Variants in COG7 observed in about 807,000 individuals in gnomAD.
The protein encoded by COG7 is component of oligomeric golgi complex 7.
A neutral mutation model predicts 91.5 loss-of-function variants in COG7; 49 were observed. The ratio of observed to expected loss-of-function variants is 0.54; its 90% confidence interval spans 0.43 to 0.68. The LOEUF is 0.68. COG7 is among the 30% of genes least tolerant of loss of function. The pLI is 0.00. For missense variants in COG7, 895 were observed against 961.3 expected, an observed-to-expected ratio of 0.93 and a Z score of 0.91; for synonymous variants, 365 against 388.7, an observed-to-expected ratio of 0.94 and a Z score of 0.72.
At chr16:23,389,658 G>A (rs567333629) in intron 16 of COG7, among the ~76,000 whole-genome samples, 77 of 152,308 alleles carry the variant, frequency 5.1e-4, no homozygotes, top group Admixed American at 1.4e-3. Context: ...CAGTCAGAAC[G>A]CCGCAGTGAA....
At chr16:23,419,885 C>T (rs993777918) in intron 7 of COG7, among the ~76,000 whole-genome samples, 1 of 151,922 alleles carries the variant, frequency 6.6e-6, no homozygotes, top group African/African-American at 2.4e-5. Context: ...ACGTGTAATC[C>T]CAGCACTTTG....
At chr16:23,404,762 A>C (rs558121543) in intron 12 of COG7, among the ~76,000 whole-genome samples, 57 of 152,224 alleles carry the variant, frequency 3.7e-4, no homozygotes, top group Non-Finnish European at 7.5e-4. Flanking sequence ...TTTACTAAAA[A>C]TACAAAAATT....
chr16:23,437,796 A>G (rs765247368), intron 4 of COG7, among the ~76,000 whole-genome samples: 1 of 152,196 alleles, frequency 6.6e-6, no homozygotes, highest in Non-Finnish European at 1.5e-5. Flanking sequence ...AACAAAATTA[A>G]AAACTTGGGG....
chr16:23,422,618 ATGT>A (rs1391417569), intron 7 of COG7, among the ~76,000 whole-genome samples: 3 of 151,902 alleles, frequency 2.0e-5, no homozygotes, highest in African/African-American at 4.8e-5. Context: ...GAAGCAAATA[ATGT>A]TGTTGGTGGC....
At chr16:23,401,774 G>A (rs1229051450) in intron 13 of COG7, among the ~76,000 whole-genome samples, 2 of 151,688 alleles carry the variant, frequency 1.3e-5, no homozygotes, top group African/African-American at 4.8e-5. Context: ...AAAAAATCTC[G>A]ACCAGGCTTG....
chr16:23,422,224 A>T (rs1310587223), intron 7 of COG7, among the ~76,000 whole-genome samples: 1 of 152,088 alleles, frequency 6.6e-6, no homozygotes, highest in Non-Finnish European at 1.5e-5. Context: ...AGTTCAGAGA[A>T]TCACTTGAGC....
chr16:23,434,581 C>A, intron 5 of COG7, 55 bp downstream of exon 5: 1 of 1,289,146 alleles, frequency 7.8e-7, no homozygotes, highest in Non-Finnish European at 1.1e-6. Flanking sequence ...ATTCTGTGAC[C>A]CAGAGTTATG....
In COG7 at chr16:23,445,672, C is replaced by T. The variant is rs1964169552; in HGVS notation, c.318+141G>A. On this transcript the variant is annotated intron_variant, in intron 2 of 16. Transcript: ENST00000307149. ...ACACTCTGTCTCAAAAAAAAAAGAG[C>T]ATAGCTGGAGTGCTGGGCAGAATCT... 4.7e-6 allele frequency: 4 copies of T among 848,640 alleles called. No homozygotes were observed. In the Admixed American group the frequency reaches 5.7e-5, roughly 12 times the overall value. 52.6% of individuals were successfully genotyped at this position (848,640 alleles called of 1,614,324 possible). A position where few individuals can be genotyped will look rare whatever the true frequency, so the allele number is the denominator to read the frequency against.
At chr16:23,418,872 G>C in intron 7 of COG7, 45 bp from the exon 8 acceptor site, 1 of 1,584,966 alleles carries the variant, frequency 6.3e-7, no homozygotes. Flanking sequence ...CAAAGAATCT[G>C]AAATTAACTG....
chr16:23,436,118 A>C (rs1414544944), intron 4 of COG7, among the ~76,000 whole-genome samples: 1 of 152,244 alleles, frequency 6.6e-6, no homozygotes, highest in East Asian at 1.9e-4. Flanking sequence ...AAACCCCAGG[A>C]GGCTGAGCTG....
chr16:23,400,990 A>G lies in COG7; in HGVS notation c.1803+2704T>C, dbSNP rs369640836. ...GTCTCAAAAAAAAAAGGGGGGGGGG[A>G]AAACAGCAGAGAATGTCACTTGAGG... is the stretch of plus-strand genomic sequence containing the variant. On this transcript the variant is annotated intron_variant, in intron 13 of 16. Transcript: ENST00000307149. 3.5e-3 allele frequency among the ~76,000 whole-genome samples: 527 copies of G among 148,526 alleles called. 1 individual carries two copies. The highest frequency in any genetic ancestry group is 4.8e-3 in the African/African-American group (194 of 40,274).
At chr16:23,452,724 C>A in intron 1 of COG7, 102 bp downstream of exon 1, 1 of 1,507,064 alleles carries the variant, frequency 6.6e-7, no homozygotes, top group Non-Finnish European at 8.9e-7. Flanking sequence ...TATTTGCTGT[C>A]CATGCGTGCC....
At position 23,413,556 on chromosome 16, in the gene COG7, G is replaced by C; in HGVS notation, c.1301C>G (p.Ser434Cys). Reference sequence around the variant, plus strand: ...GGACTGGAGAGTGCTGGTGAAATCAGACACATACCTGCCGGGAAAGGGAAG... The same window carrying C: ...GGACTGGAGAGTGCTGGTGAAATCACACACATACCTGCCGGGAAAGGGAAG... Reference protein sequence around the residue: ...ALKSLFAKYVSDFTSTLQSIR... With the variant: ...ALKSLFAKYVCDFTSTLQSIR... The change falls in exon 10 of 17, where the codon TCT becomes TGT. Residue 434 changes from serine to cysteine, a missense_variant. Physicochemically the swap from Ser to Cys is moderately radical, Grantham distance 112. Coordinates refer to ENST00000307149, the MANE Select transcript of COG7 (RefSeq NM_153603.4). 6.3e-7 allele frequency: 1 copy of C among 1,580,056 alleles called. No homozygotes were observed. Among genetic ancestry groups the C allele is most frequent in the Non-Finnish European group, 8.7e-7 (1 of 1,149,136 alleles).
chr16:23,410,245 T>C, intron 11 of COG7, 50 bp downstream of exon 11: 1 of 1,502,604 alleles, frequency 6.7e-7, no homozygotes, highest in Non-Finnish European at 9.3e-7. Context: ...ACCAAGCTCG[T>C]GCTGATCAGG....
intron 12 of COG7, 57 bp downstream of exon 12, chr16:23,406,019 G>A (rs1377262882): frequency 2.6e-6 from 4 of 1,515,414 alleles, no homozygotes; most frequent in African/African-American, 1.4e-5. Flanking sequence ...GAGGGAGAGG[G>A]TGAGTGATGA....
At chr16:23,444,638 G>C (rs923785563) in intron 3 of COG7, among the ~76,000 whole-genome samples, 1 of 151,660 alleles carries the variant, frequency 6.6e-6, no homozygotes, top group Non-Finnish European at 1.5e-5. Context: ...TGAGTAGCTG[G>C]AACTACAAAT....
At chr16:23,412,225 T>C (rs1963575215) in intron 10 of COG7, among the ~76,000 whole-genome samples, 1 of 152,132 alleles carries the variant, frequency 6.6e-6, no homozygotes, top group Non-Finnish European at 1.5e-5. Flanking sequence ...TGCCAAGTGG[T>C]CTGAGAGCCT....
intron 3 of COG7, among the ~76,000 whole-genome samples, chr16:23,444,190 A>G (rs1964147035): frequency 6.6e-6 from 1 of 151,890 alleles, no homozygotes; most frequent in Non-Finnish European, 1.5e-5. Flanking sequence ...GGTCAGGGTT[A>G]GGAAAAAAAC....
At chr16:23,425,258 C>G (rs1412056452) in intron 6 of COG7, among the ~76,000 whole-genome samples, 1 of 152,086 alleles carries the variant, frequency 6.6e-6, no homozygotes, top group Non-Finnish European at 1.5e-5. Flanking sequence ...TGCAGTGAGC[C>G]AAGACTGTGC....
Sources: allele counts gnomAD v4.1 joint callset (sites outside exome capture counted in the v4.1 genomes callset), GRCh38; gene constraint gnomAD v4.1.1; transcripts MANE v1.5; gene names NCBI Gene and HGNC (gene_info 2026-07-23, HGNC 2026-07-21).